BTC: variants seen among roughly 807,000 people sequenced by gnomAD.
BTC encodes betacellulin, also known as probetacellulin.
BTC carries 13 observed loss-of-function variants against 18.1 expected under a neutral mutation model. That is an observed-to-expected ratio of 0.72 (90% CI 0.47 to 1.14). The LOEUF is 1.14. Ranked by LOEUF, BTC falls within the 50% of genes most tolerant of loss-of-function variation. The pLI, the probability that BTC is intolerant of heterozygous loss-of-function variation, is 0.00. For synonymous variants in BTC, 83 were observed against 79.4 expected (o/e 1.05, Z -0.24); for missense variants, 247 against 224.2 (o/e 1.10, Z -0.65).
intron 2 of BTC, among the ~76,000 whole-genome samples, chr4:74,766,075 AAAATAT>A (rs1368722158): frequency 1.3e-5 from 2 of 152,132 alleles, no homozygotes; most frequent in Admixed American, 6.6e-5. Context: ...AAGTACAGTA[AAAATAT>A]GATATAAAAG....
At chr4:74,763,825 G>A (rs912349213) in intron 2 of BTC, among the ~76,000 whole-genome samples, 6 of 151,976 alleles carry the variant, frequency 3.9e-5, no homozygotes, top group Non-Finnish European at 7.4e-5. Context: ...TTTACTGCAT[G>A]TTTTGAAATA....
chr4:74,784,921 A>G (rs1189619904), intron 1 of BTC, among the ~76,000 whole-genome samples: 1 of 152,282 alleles, frequency 6.6e-6, no homozygotes, highest in South Asian at 2.1e-4. Context: ...TTTTGGTATC[A>G]GGATGATGCT....
At chr4:74,790,325 T>C (rs1211390664) in intron 1 of BTC, among the ~76,000 whole-genome samples, 1 of 152,226 alleles carries the variant, frequency 6.6e-6, no homozygotes, top group African/African-American at 2.4e-5. Context: ...CTTTACATAG[T>C]ATTGCATTTA....
chr4:74,753,436 G>GCA (rs1724516126), intron 3 of BTC, among the ~76,000 whole-genome samples: 1 of 152,174 alleles, frequency 6.6e-6, no homozygotes, highest in Non-Finnish European at 1.5e-5. Context: ...GCTCTTAACT[G>GCA]CATAGTAAAT....
At chr4:74,754,056 A>G (rs1724533545) in intron 3 of BTC, among the ~76,000 whole-genome samples, 1 of 152,194 alleles carries the variant, frequency 6.6e-6, no homozygotes, top group Non-Finnish European at 1.5e-5. Context: ...TAACTGACCC[A>G]TTGTTAACAC....
intron 1 of BTC, among the ~76,000 whole-genome samples, chr4:74,780,897 T>G (rs1190319177): frequency 2.3e-5 from 2 of 85,318 alleles, no homozygotes; most frequent in African/African-American, 1.7e-4. Context: ...TGAGAGTTTC[T>G]TTTTTTTTTT....
At chr4:74,765,072 T>C (rs1724860817) in intron 2 of BTC, among the ~76,000 whole-genome samples, 1 of 88,694 alleles carries the variant, frequency 1.1e-5, no homozygotes. Flanking sequence ...TACCTGTCCC[T>C]GCTGTTTTCT....
Position 74,748,086 on chromosome 4 carries a change from A to G in BTC, c.492T>C (p.Asp164=). The G allele has an allele frequency of 1.2e-6, 2 of 1,610,684 alleles. No individual in the cohort carries two copies. The highest frequency in any genetic ancestry group is 1.7e-4 in the Middle Eastern group (1 of 6,050). The change falls in exon 5 of 6, where the codon GAT becomes GAC. Residue 164 remains aspartate (D), a synonymous_variant. Transcript: ENST00000395743. ...CAATATCTTCATTGATAGGAGTTAT[A>G]TCTTTACCCAGAGTTTCCATTTCTT... is the stretch of plus-strand genomic sequence containing the variant. The part of the protein sequence containing the change: ...KEEEMETLGK[D]ITPINEDIEE...
chr4:74,749,687 T>G, intron 4 of BTC, among the ~76,000 whole-genome samples: 1 of 118,216 alleles, frequency 8.5e-6, no homozygotes, highest in South Asian at 2.8e-4. Context: ...TAGTTTTTTT[T>G]GTTGTTGTTG....
Position 74,750,568 on chromosome 4 carries a change from C to A in BTC, c.428+5G>T. On this transcript the variant is annotated splice_donor_5th_base_variant and intron_variant, in intron 4 of 5. Coordinates refer to ENST00000395743, the MANE Select transcript of BTC (RefSeq NM_001729.4). ...TTACTTAAAATTAAGTTTAAAAATA[C>A]TTACTGACAGCATGTGCAGACACCG... The A allele has an allele frequency of 6.2e-7, 1 of 1,602,466 alleles. No individual in the cohort carries two copies. The highest frequency in any genetic ancestry group is 1.1e-5 in the South Asian group (1 of 88,268).
chr4:74,789,792 A>G (rs188015250), intron 1 of BTC, among the ~76,000 whole-genome samples: 58 of 152,336 alleles, frequency 3.8e-4, no homozygotes, highest in Non-Finnish European at 3.7e-4. Context: ...TATAATTCAA[A>G]TAAATCTGAC....
At chr4:74,789,071 C>G (rs559927777) in intron 1 of BTC, among the ~76,000 whole-genome samples, 1 of 152,324 alleles carries the variant, frequency 6.6e-6, no homozygotes, top group Non-Finnish European at 1.5e-5. Flanking sequence ...AGAAGGACTT[C>G]CTGGACTATC....
chr4:74,785,818 C>A (rs1442475299), intron 1 of BTC, among the ~76,000 whole-genome samples: 1 of 152,074 alleles, frequency 6.6e-6, no homozygotes, highest in African/African-American at 2.4e-5. Flanking sequence ...GAACCTTGGG[C>A]AAGTTGCTTA....
At position 74,755,972 on chromosome 4, in the gene BTC, G is replaced by C; in HGVS notation, c.168C>G (p.Thr56=). The change falls in exon 3 of 6, where the codon ACC becomes ACG. Residue 56 remains threonine (T), a synonymous_variant. Coordinates refer to ENST00000395743, the MANE Select transcript of BTC (RefSeq NM_001729.4). Reference sequence around the variant, plus strand: ...GGCCTTTCCGCTTTGATTGTGTGGTGGTAGCTGGAAAATGAGAAAAAGTTC... The same window carrying C: ...GGCCTTTCCGCTTTGATTGTGTGGTCGTAGCTGGAAAATGAGAAAAAGTTC... ...CGDPEENCAA[T]TTQSKRKGHF... is the part of the protein sequence containing the mutation. 6.2e-7 allele frequency: 1 copy of C among 1,613,128 alleles called. No individual in the cohort carries two copies. Among genetic ancestry groups the C allele is most frequent in the Non-Finnish European group, 8.5e-7 (1 of 1,179,162 alleles).
chr4:74,793,534 C>T (rs1443590050), intron 1 of BTC, among the ~76,000 whole-genome samples: 1 of 152,140 alleles, frequency 6.6e-6, no homozygotes, highest in Non-Finnish European at 1.5e-5. Flanking sequence ...TTCTCTGCCC[C>T]GCAAAATGAC....
intron 1 of BTC, among the ~76,000 whole-genome samples, chr4:74,770,915 A>G (rs1014205158): frequency 2.7e-4 from 38 of 141,982 alleles, no homozygotes; most frequent in Non-Finnish European, 3.5e-4. Context: ...TATATCGTGT[A>G]TGTGTGTGTG....
chr4:74,750,799 A>T (rs1724440216), intron 3 of BTC, 80 bp from the exon 4 acceptor site: 4 of 1,504,534 alleles, frequency 2.7e-6, no homozygotes, highest in Non-Finnish European at 3.6e-6. Flanking sequence ...AGAAATTAAC[A>T]GTTCTCATTA....
At chr4:74,789,724 C>T (rs1402103134) in intron 1 of BTC, among the ~76,000 whole-genome samples, 1 of 152,186 alleles carries the variant, frequency 6.6e-6, no homozygotes, top group Non-Finnish European at 1.5e-5. Flanking sequence ...GACATTGCAT[C>T]ATCATCCATT....
chr4:74,766,090 AG>A (rs1256862068), intron 2 of BTC, among the ~76,000 whole-genome samples: 4 of 152,084 alleles, frequency 2.6e-5, no homozygotes, highest in African/African-American at 7.2e-5. Context: ...ATGATATAAA[AG>A]TTTGCAAATA....
Sources: allele counts gnomAD v4.1 joint callset (sites outside exome capture counted in the v4.1 genomes callset), GRCh38; gene constraint gnomAD v4.1.1; transcripts MANE v1.5; gene names NCBI Gene and HGNC (gene_info 2026-07-23, HGNC 2026-07-21).